Variants in NKIRAS1 observed in about 807,000 individuals in gnomAD.
The protein encoded by NKIRAS1 is NF-kappa-B inhibitor-interacting Ras-like protein 1.
NKIRAS1 carries 16 observed loss-of-function variants against 19.8 expected under a neutral mutation model. The ratio of observed to expected loss-of-function variants is 0.81; its 90% CI spans 0.55 to 1.23. NKIRAS1 has a LOEUF of 1.23. Ranked by LOEUF, NKIRAS1 falls within the 50% of genes most tolerant of loss-of-function variation. The pLI, the probability that NKIRAS1 is intolerant of heterozygous loss-of-function variation, is 0.00. For missense variants in NKIRAS1, 184 were observed against 220.0 expected (o/e 0.84, Z 1.04); for synonymous variants, 88 against 79.0 (o/e 1.11, Z -0.61).
At chr3:23,919,184 T>A, upstream of NKIRAS1, 1 of 1,605,194 alleles carries the variant, frequency 6.2e-7, no homozygotes, top group Non-Finnish European at 8.5e-7. Flanking sequence ...TGGGCCTTTT[T>A]TCCTATTCTA....
intron 1 of NKIRAS1, among the ~76,000 whole-genome samples, chr3:23,929,611 G>GTTT (rs1393927163): frequency 6.6e-6 from 1 of 151,476 alleles, no homozygotes; most frequent in Non-Finnish European, 1.5e-5. Flanking sequence ...TGTTGTTGTT[G>GTTT]TTTTTGTTTT....
chr3:23,921,311 C>T (rs1485387577), upstream of NKIRAS1, among the ~76,000 whole-genome samples: 4 of 152,174 alleles, frequency 2.6e-5, no homozygotes, highest in Non-Finnish European at 5.9e-5. Context: ...GCAAAAAAAT[C>T]AAAAGTCCTC....
chr3:23,921,569 AGT>A, upstream of NKIRAS1: 9 of 512,682 alleles, frequency 1.8e-5, no homozygotes, highest in East Asian at 3.5e-5. Context: ...TTGATTATTG[AGT>A]TTTTTTTTTT....
chr3:23,946,226 A>G (rs905554000), intron 1 of NKIRAS1: 1 of 985,426 alleles, frequency 1.0e-6, no homozygotes, highest in Non-Finnish European at 1.2e-6. Flanking sequence ...ACCGCAGTGC[A>G]CCGGACGCCG....
At chr3:23,899,077 A>G (rs1702251555) in intron 4 of NKIRAS1, among the ~76,000 whole-genome samples, 1 of 152,182 alleles carries the variant, frequency 6.6e-6, no homozygotes, top group Non-Finnish European at 1.5e-5. Context: ...CCTGGTGCCA[A>G]AAAGACTGGG....
At chr3:23,932,880 C>A (rs1705341382) in intron 1 of NKIRAS1, among the ~76,000 whole-genome samples, 1 of 152,018 alleles carries the variant, frequency 6.6e-6, no homozygotes, top group Non-Finnish European at 1.5e-5. Flanking sequence ...AGAATCACTC[C>A]ATATGTATTT....
At chr3:23,910,531 A>C (rs1475313092) in intron 3 of NKIRAS1, among the ~76,000 whole-genome samples, 1 of 152,248 alleles carries the variant, frequency 6.6e-6, no homozygotes, top group Non-Finnish European at 1.5e-5. Flanking sequence ...ATGTAAATAC[A>C]CGGAAAACCA....
intron 1 of NKIRAS1, among the ~76,000 whole-genome samples, chr3:23,925,210 C>T (rs1705192844): frequency 6.6e-6 from 1 of 152,126 alleles, no homozygotes; most frequent in South Asian, 2.1e-4. Context: ...TCTTTGTACC[C>T]ATTTGAAGTA....
chr3:23,920,025 C>T (rs1704983919), upstream of NKIRAS1: 4 of 986,392 alleles, frequency 4.1e-6, no homozygotes, highest in Middle Eastern at 5.2e-4. Context: ...TGGTTCAGTG[C>T]CATGGCTTCA....
chr3:23,900,034 C>T (rs995289557), intron 4 of NKIRAS1, among the ~76,000 whole-genome samples: 2 of 152,118 alleles, frequency 1.3e-5, no homozygotes, highest in South Asian at 2.1e-4. Context: ...TGGTAGCACA[C>T]GCCTGTAGTC....
Position 23,890,248 on chromosome 3 carries a change from G to T in NKIRAS1, c.*2847C>A, listed in dbSNP as rs1325691067. On this transcript the variant is annotated 3_prime_UTR_variant, in exon 5 of 5. Transcript: ENST00000425478. ...ATAAGAGTAAAGAAACTCCAATTGA[G>T]TGTTGTTTGTTGGGAGAAAAATGGA... is the stretch of plus-strand genomic sequence containing the variant. Among the ~76,000 whole-genome samples the T allele has an allele frequency of 6.6e-6, 1 of 152,182 alleles. No homozygotes were observed. The highest frequency in any genetic ancestry group is 1.5e-5 in the Non-Finnish European group (1 of 68,036).
chr3:23,930,101 G>C (rs1484374863), intron 1 of NKIRAS1, among the ~76,000 whole-genome samples: 1 of 152,180 alleles, frequency 6.6e-6, no homozygotes, highest in African/African-American at 2.4e-5. Context: ...GCATTGGAGA[G>C]CTAATAAGCA....
rs1255895492 is a variant in NKIRAS1 at position 23,927,978 on chromosome 3, C to CT, written c.-139-16529dup. ...CCAGTAGTACCAGATATGCAGGAGG[C>CT]TGAGGTGGAAGAATTGCTTGAGCCT... On this transcript the variant is annotated intron_variant, in intron 1 of 4. Transcript: ENST00000421515. This position sits in a 1 kb window ranked among gnomAD's most constrained non-coding sequence, Gnocchi z 4.0. Among the ~76,000 whole-genome samples, 8 of 151,976 alleles carry CT rather than the reference C, an allele frequency of 5.3e-5. No homozygotes were observed. The highest frequency in any genetic ancestry group is 8.8e-5 in the Non-Finnish European group (6 of 68,004).
At chr3:23,943,472 C>T (rs1214027683) in intron 1 of NKIRAS1, among the ~76,000 whole-genome samples, 1 of 152,240 alleles carries the variant, frequency 6.6e-6, no homozygotes, top group African/African-American at 2.4e-5. Flanking sequence ...CTCAGGTGAT[C>T]CACCCGCCTT....
At chr3:23,925,020 G>C (rs989200259) in intron 1 of NKIRAS1, among the ~76,000 whole-genome samples, 2 of 152,216 alleles carry the variant, frequency 1.3e-5, no homozygotes, top group Non-Finnish European at 2.9e-5. Context: ...AGAGGGCAAA[G>C]AGCATGGCGT....
At chr3:23,936,915 CTT>C (rs140471298) in intron 1 of NKIRAS1, among the ~76,000 whole-genome samples, 97,465 of 151,946 alleles carry the variant, frequency 0.64, 31,470 homozygotes, top group Middle Eastern at 0.73. Context: ...AGTGACCACA[CTT>C]TTTGAGAATT....
At chr3:23,896,397 C>T (rs912021180) in intron 4 of NKIRAS1, among the ~76,000 whole-genome samples, 8 of 151,572 alleles carry the variant, frequency 5.3e-5, no homozygotes, top group South Asian at 2.1e-4. Context: ...GGTGGATCAC[C>T]TGAGGTCAGT....
At chr3:23,925,956 G>A (rs1306482890) in intron 1 of NKIRAS1, among the ~76,000 whole-genome samples, 1 of 152,134 alleles carries the variant, frequency 6.6e-6, no homozygotes, top group Admixed American at 6.5e-5. Flanking sequence ...ATGCTCAGTG[G>A]GCACATTGGC....
chr3:23,919,282 T>C (rs1184852875), upstream of NKIRAS1: 8 of 1,610,192 alleles, frequency 5.0e-6, no homozygotes, highest in Admixed American at 1.7e-5. Context: ...TTTTTGAGGT[T>C]ATCCTCATTG....
Sources: gnomAD v4.1 joint callset for allele counts (sites outside exome capture counted in the v4.1 genomes callset) on GRCh38, gnomAD v4.1.1 for gene constraint, Gnocchi (gnomAD v3.1) non-coding constraint, MANE v1.5 for transcripts, NCBI Gene and HGNC (gene_info 2026-07-23, HGNC 2026-07-21) for gene names.